KIF27: variants seen among roughly 807,000 people sequenced by gnomAD.
The protein encoded by KIF27 is kinesin-like protein KIF27.
KIF27 carries 84 observed loss-of-function variants against 141.8 expected under a neutral mutation model. The ratio of observed to expected loss-of-function variants is 0.59; its 90% CI spans 0.50 to 0.71. The LOEUF (loss-of-function observed/expected upper bound fraction) is 0.71, where lower values mean the gene tolerates loss of function less well. KIF27 is among the 30% of genes least tolerant of loss of function. KIF27 has a pLI of 0.00. For synonymous variants in KIF27, 471 were observed against 569.5 expected, an observed-to-expected ratio of 0.83 and a Z score of 2.46; for missense variants, 1,306 against 1,628.4, an observed-to-expected ratio of 0.80 and a Z score of 3.41.
rs1200508776 is a variant in KIF27, at chr9:83,835,921, A to G, written c.*1080T>C. 3.9e-5 allele frequency among the ~76,000 whole-genome samples: 6 copies of G among 152,218 alleles called. No homozygotes were observed. Among genetic ancestry groups the G allele is most frequent in the South Asian group, 2.1e-4 (1 of 4,838 alleles). On this transcript the variant is annotated 3_prime_UTR_variant, in exon 18 of 18. Transcript: ENST00000297814. ...CAGGTCATTACAATGGATGTTTCCT[A>G]TAACTGAAAAATATGGTTAAAAAGT...
At chr9:83,920,904 C>G (rs1040438011) in intron 1 of KIF27, among the ~76,000 whole-genome samples, 5 of 80,504 alleles carry the variant, frequency 6.2e-5, no homozygotes, top group Non-Finnish European at 2.9e-5. Context: ...GTGGGAAATG[C>G]GCCCAAGTTT....
intron 7 of KIF27, 94 bp downstream of exon 7, chr9:83,888,989 TA>T (rs1952400317): frequency 7.2e-7 from 1 of 1,389,386 alleles, no homozygotes; most frequent in Admixed American, 2.8e-5. Flanking sequence ...CTATTAAACA[TA>T]AAAGATATAC....
At chr9:83,863,330 ATTATT>A (rs1345335758) in intron 13 of KIF27, among the ~76,000 whole-genome samples, 3 of 152,070 alleles carry the variant, frequency 2.0e-5, no homozygotes, top group Non-Finnish European at 2.9e-5. Flanking sequence ...AATAGCCCTT[ATTATT>A]TTGAGATATG....
Position 83,848,061 on chromosome 9 carries a change from CAT to C in KIF27, c.3556+2036_3556+2037del, listed in dbSNP as rs796372252. Among the ~76,000 whole-genome samples the C allele has an allele frequency of 1.0e-3, 20 of 19,278 alleles. 3 individuals carry two copies. The highest frequency in any genetic ancestry group is 2.5e-3 in the South Asian group (1 of 402). The allele number at this position is 19,278 out of a possible 152,430, so 12.6% of individuals were successfully genotyped here. ...TATATATCTACATATATCTATATAT[CAT>C]ATATATGATATATGATATATCATAT... On this transcript the variant is annotated intron_variant, in intron 16 of 17. Transcript: ENST00000297814.
At chr9:83,837,508 A>G (rs1946015067) in intron 17 of KIF27, 23 bp from the exon 18 acceptor site, 4 of 1,559,232 alleles carry the variant, frequency 2.6e-6, no homozygotes, top group Admixed American at 2.1e-5. Context: ...CCCAAACCAA[A>G]AAATTAGATA....
In KIF27 at chr9:83,842,323, A is replaced by G; in HGVS notation, c.3635T>C (p.Phe1212Ser). ...KIQQLEKDLY[F>S]YKKTSRDHKK... ...ATGATCCCGGCTGGTTTTCTTATAG[A>G]AATAAAGATCTTTTTCCAACTGCTG... The change falls in exon 17 of 18, where the codon TTC (phenylalanine) becomes TCC (serine). Residue 1212 changes from phenylalanine to serine, a missense_variant. Physicochemically the swap from Phe to Ser is radical, Grantham distance 155. This residue lies in a region of KIF27 where 148 missense variants were observed against 250.9 expected (regional missense o/e 0.59). Coordinates refer to ENST00000297814, the MANE Select transcript of KIF27 (RefSeq NM_017576.4). 1 of 1,559,588 alleles carries G rather than the reference A, an allele frequency of 6.4e-7. No homozygotes were observed. The highest frequency in any genetic ancestry group is 8.6e-7 in the Non-Finnish European group (1 of 1,161,228).
chr9:83,886,986 A>T, intron 9 of KIF27, 55 bp downstream of exon 9: 1 of 1,470,402 alleles, frequency 6.8e-7, no homozygotes, highest in Non-Finnish European at 8.9e-7. Context: ...CCACATCAGA[A>T]GCAATTTTAA....
chr9:83,920,383 T>TA (rs1156594749), intron 1 of KIF27, among the ~76,000 whole-genome samples: 1 of 151,932 alleles, frequency 6.6e-6, no homozygotes, highest in Non-Finnish European at 1.5e-5. Flanking sequence ...ATAAATGATT[T>TA]AAAAAAAAGC....
At chr9:83,873,504 A>G (rs1348038919) in intron 11 of KIF27, among the ~76,000 whole-genome samples, 1 of 152,244 alleles carries the variant, frequency 6.6e-6, no homozygotes, top group Non-Finnish European at 1.5e-5. Context: ...TGACATGGAT[A>G]TAAGAGAAGT....
At chr9:83,905,397 C>T (rs186143613) in intron 3 of KIF27, among the ~76,000 whole-genome samples, 181 of 152,254 alleles carry the variant, frequency 1.2e-3, no homozygotes, top group African/African-American at 4.1e-3. Context: ...GGATTACAGG[C>T]GTGAGCCACC....
intron 2 of KIF27, among the ~76,000 whole-genome samples, chr9:83,910,054 AATACATACATAC>A (rs10616573): frequency 5.1e-4 from 76 of 148,366 alleles, no homozygotes; most frequent in African/African-American, 1.7e-3. Flanking sequence ...CCTTTCTCTA[AATACATACATAC>A]ATACATACAT....
intron 10 of KIF27, among the ~76,000 whole-genome samples, chr9:83,882,870 TAACTTG>T (rs1411234046): frequency 6.6e-6 from 1 of 152,210 alleles, no homozygotes; most frequent in Non-Finnish European, 1.5e-5. Flanking sequence ...CATATTATTT[TAACTTG>T]ATGTTGACTT....
intron 16 of KIF27, among the ~76,000 whole-genome samples, chr9:83,847,220 C>A (rs1305093716): frequency 2.0e-5 from 3 of 152,178 alleles, no homozygotes; most frequent in Non-Finnish European, 4.4e-5. Flanking sequence ...CCAGCTACGA[C>A]CATGTGACCA....
chr9:83,913,076 A>C (rs1177603355), intron 2 of KIF27, among the ~76,000 whole-genome samples: 1 of 152,020 alleles, frequency 6.6e-6, no homozygotes, highest in African/African-American at 2.4e-5. Context: ...AAGGTGGAAG[A>C]ATCTCGTAAG....
At position 83,834,180 on chromosome 9, in the gene KIF27, T is replaced by C. The variant is rs904254049; in HGVS notation, c.*2821A>G. Among the ~76,000 whole-genome samples the C allele has an allele frequency of 5.3e-5, 8 of 152,272 alleles. No homozygotes were observed. The highest frequency in any genetic ancestry group is 1.0e-4 in the Non-Finnish European group (7 of 67,988). On this transcript the variant is annotated 3_prime_UTR_variant, in exon 18 of 18. Coordinates refer to ENST00000297814, the MANE Select transcript of KIF27 (RefSeq NM_017576.4). ...AAAAAAGAAAACCACAAACATTTTA[T>C]ATACATGCAAAAAGGCAATAAAGTG...
rs946130760 is a variant in KIF27, at chr9:83,836,591, TA to T, written c.*409del. ...AAAAGCAAGATTTAGCTGGATCTTT[TA>T]AAAAAAAAATATACTTGTATTTGAG... On this transcript the variant is annotated 3_prime_UTR_variant, in exon 18 of 18. Transcript: ENST00000297814. The T allele has an allele frequency of 4.3e-4, 67 of 154,216 alleles. No homozygotes were observed. Among genetic ancestry groups the T allele is most frequent in the South Asian group, 7.7e-4 (4 of 5,212 alleles). 9.6% of individuals were successfully genotyped at this position (154,216 alleles called of 1,614,324 possible). A position where few individuals can be genotyped will look rare whatever the true frequency, so the allele number is the denominator to read the frequency against.
At chr9:83,870,420 G>C (rs1347711600) in intron 12 of KIF27, 99 bp downstream of exon 12, 1 of 1,515,156 alleles carries the variant, frequency 6.6e-7, no homozygotes, top group African/African-American at 1.4e-5. Context: ...ACCCACCTCG[G>C]CGTCCCAAAG....
At chr9:83,911,030 A>C (rs1955101685) in intron 2 of KIF27, among the ~76,000 whole-genome samples, 1 of 152,166 alleles carries the variant, frequency 6.6e-6, no homozygotes, top group Non-Finnish European at 1.5e-5. Context: ...AGCTAGACAC[A>C]GAAGGAAAAA....
intron 2 of KIF27, among the ~76,000 whole-genome samples, chr9:83,912,394 G>A (rs1351734839): frequency 6.6e-6 from 1 of 152,202 alleles, no homozygotes; most frequent in Admixed American, 6.5e-5. Flanking sequence ...GTAAAGTTAA[G>A]TTGTGGGTTT....
Sources: allele counts gnomAD v4.1 joint callset (sites outside exome capture counted in the v4.1 genomes callset), GRCh38; gene constraint gnomAD v4.1.1; regional missense constraint gnomAD v4.1.1; transcripts MANE v1.5; gene names NCBI Gene and HGNC (gene_info 2026-07-23, HGNC 2026-07-21).